ABLIM3: variants seen among roughly 807,000 people sequenced by gnomAD.
ABLIM3 encodes the protein actin binding LIM protein family member 3.
A neutral mutation model predicts 109.5 loss-of-function variants in ABLIM3; 61 were observed. The ratio of observed to expected loss-of-function variants is 0.56; its 90% CI spans 0.45 to 0.69. The LOEUF is 0.69. Among genes scored for constraint, ABLIM3 ranks in the 30% least tolerant of loss-of-function variants. The pLI is 0.00. For missense variants in ABLIM3, 796 were observed against 889.5 expected (o/e 0.89, Z 1.34); for synonymous variants, 300 against 324.8 (o/e 0.92, Z 0.82).
In ABLIM3 at chr5:149,192,968, T is replaced by A. The variant is rs532630749; in HGVS notation, c.152-5251T>A. On this transcript the variant is annotated intron_variant, in intron 3 of 23. Coordinates refer to ENST00000309868, the MANE Select transcript of ABLIM3 (RefSeq NM_014945.5). ...AAACTGCAGAAATGACTCAGTCTCT[T>A]TAATAAATACATTGCAAGGAGAAAA... 3.3e-5 allele frequency among the ~76,000 whole-genome samples: 5 copies of A among 152,266 alleles called. 1 individual carries two copies. The highest frequency in any genetic ancestry group is 1.2e-4 in the African/African-American group (5 of 41,566).
At chr5:149,240,543 G>A (rs1581217759) in intron 13 of ABLIM3, 133 bp from the exon 14 acceptor site, 1 of 705,486 alleles carries the variant, frequency 1.4e-6, no homozygotes, top group South Asian at 1.6e-5. Flanking sequence ...CGGAACCTGA[G>A]CACGCTGAGA....
chr5:149,153,666 A>C (rs1753634636), intron 2 of ABLIM3, among the ~76,000 whole-genome samples: 1 of 152,210 alleles, frequency 6.6e-6, no homozygotes, highest in Admixed American at 6.5e-5. Flanking sequence ...AGGACTTGAA[A>C]CATGCTGGGG....
chr5:149,175,003 CTG>C (rs1202149023), intron 2 of ABLIM3, among the ~76,000 whole-genome samples: 1 of 152,174 alleles, frequency 6.6e-6, no homozygotes, highest in Admixed American at 6.5e-5. Flanking sequence ...ACAGGCTCCT[CTG>C]TGTTACTGAC....
chr5:149,142,652 G>A, intron 2 of ABLIM3, among the ~76,000 whole-genome samples: 1 of 152,152 alleles, frequency 6.6e-6, no homozygotes, highest in Non-Finnish European at 1.5e-5. Context: ...TGGGCCCAGG[G>A]CTGGTTTCTC....
chr5:149,174,872 T>A (rs1211508586), intron 2 of ABLIM3: 1 of 152,236 alleles, frequency 6.6e-6, no homozygotes, highest in Non-Finnish European at 1.5e-5. Flanking sequence ...AAAATGGAGA[T>A]CATACAGTAT....
chr5:149,250,643 A>G (rs1003233860), intron 20 of ABLIM3, 138 bp downstream of exon 20: 3 of 1,014,450 alleles, frequency 3.0e-6, no homozygotes, highest in African/African-American at 1.6e-5. Flanking sequence ...CTGTATGGCA[A>G]TGACTTGCTC....
rs1391977577 is a variant in ABLIM3 at position 149,142,004 on chromosome 5, C to T, written c.-87-5C>T. ...CTGGCACTGGACTGCCTTTTCACCC[C>T]CCAGGTGATGAGTGAGGTTCGAAGA... On this transcript the variant is annotated splice_region_variant and splice_polypyrimidine_tract_variant and intron_variant, in intron 1 of 23. Transcript: ENST00000309868. The T allele has an allele frequency of 6.3e-7, 1 of 1,592,898 alleles. No homozygotes were observed. Among genetic ancestry groups the T allele is most frequent in the Non-Finnish European group, 8.6e-7 (1 of 1,160,774 alleles).
chr5:149,147,872 C>A (rs932596259), intron 2 of ABLIM3, among the ~76,000 whole-genome samples: 1 of 152,234 alleles, frequency 6.6e-6, no homozygotes. Flanking sequence ...GTGTAGTATG[C>A]AGAGTGTGGT....
intron 3 of ABLIM3, among the ~76,000 whole-genome samples, chr5:149,190,359 A>G (rs1014140967): frequency 6.6e-6 from 1 of 152,200 alleles, no homozygotes; most frequent in Non-Finnish European, 1.5e-5. Context: ...GTTGAGTTAT[A>G]TGACTTGTGA....
At chr5:149,207,239 C>T (rs1275961124) in intron 6 of ABLIM3, 105 bp downstream of exon 6, 15 of 1,470,168 alleles carry the variant, frequency 1.0e-5, no homozygotes, top group South Asian at 4.0e-5. Flanking sequence ...CCTTCCTTTC[C>T]GTCTGCTGCT....
At chr5:149,169,065 A>C (rs1285560416) in intron 2 of ABLIM3, among the ~76,000 whole-genome samples, 2 of 150,708 alleles carry the variant, frequency 1.3e-5, no homozygotes, top group Non-Finnish European at 2.9e-5. Context: ...GTTCCTTCCC[A>C]CCACTGACTT....
chr5:149,163,691 A>G (rs767918663), intron 2 of ABLIM3, among the ~76,000 whole-genome samples: 1 of 152,112 alleles, frequency 6.6e-6, no homozygotes, highest in Non-Finnish European at 1.5e-5. Flanking sequence ...TCTCTTTAAA[A>G]ACCCTATTGC....
chr5:149,197,083 T>G (rs547293406), intron 3 of ABLIM3, among the ~76,000 whole-genome samples: 1 of 152,326 alleles, frequency 6.6e-6, no homozygotes, highest in South Asian at 2.1e-4. Flanking sequence ...CTCCCATTTT[T>G]GTATATGTTT....
chr5:149,209,067 G>C (rs1306820015), intron 6 of ABLIM3, among the ~76,000 whole-genome samples: 2 of 152,186 alleles, frequency 1.3e-5, no homozygotes, highest in Non-Finnish European at 2.9e-5. Flanking sequence ...GCATAGGTGA[G>C]CTGAGGTCAC....
intron 3 of ABLIM3, among the ~76,000 whole-genome samples, chr5:149,184,743 C>T (rs1756787759): frequency 6.6e-6 from 1 of 152,176 alleles, no homozygotes; most frequent in African/African-American, 2.4e-5. Context: ...GGTTGAAACC[C>T]GCGGTTCTTT....
At chr5:149,233,414 T>G in intron 10 of ABLIM3, 114 bp downstream of exon 10, 1 of 1,067,032 alleles carries the variant, frequency 9.4e-7, no homozygotes, top group Non-Finnish European at 1.4e-6. Flanking sequence ...ATTTGATGCA[T>G]GCTCTTCATG....
chr5:149,186,899 GA>G (rs1757014547), intron 3 of ABLIM3, among the ~76,000 whole-genome samples: 1 of 150,708 alleles, frequency 6.6e-6, no homozygotes, highest in Non-Finnish European at 1.5e-5. Flanking sequence ...ATTTGAAAAG[GA>G]AACAAATAAA....
chr5:149,252,743 C>G lies in ABLIM3; in HGVS notation c.1858-14C>G, dbSNP rs746495689. ...CCCTCACCCAAGCTGGAGACCACCC[C>G]CCTTTCTCCTTAGATCTACCCTTAT... On this transcript the variant is annotated splice_polypyrimidine_tract_variant and intron_variant, in intron 22 of 23. Coordinates refer to ENST00000309868, the MANE Select transcript of ABLIM3 (RefSeq NM_014945.5). The G allele has an allele frequency of 1.9e-6, 3 of 1,609,828 alleles. No individual in the cohort carries two copies. The highest frequency in any genetic ancestry group is 1.1e-5 in the South Asian group (1 of 90,886).
intron 2 of ABLIM3, among the ~76,000 whole-genome samples, chr5:149,148,000 C>A (rs1465356293): frequency 6.6e-6 from 1 of 152,056 alleles, no homozygotes; most frequent in Non-Finnish European, 1.5e-5. Flanking sequence ...AAGCAGGTCA[C>A]GCAACCTCTC....
Sources: allele counts gnomAD v4.1 joint callset (sites outside exome capture counted in the v4.1 genomes callset), GRCh38; gene constraint gnomAD v4.1.1; transcripts MANE v1.5; gene names NCBI Gene and HGNC (gene_info 2026-07-23, HGNC 2026-07-21).